The following DENND4A variants were observed in gnomAD, a reference collection of about 807,000 sequenced individuals.
DENND4A encodes the protein C-myc promoter-binding protein.
A neutral mutation model predicts 199.3 loss-of-function variants in DENND4A; 70 were observed. The observed-to-expected ratio is 0.35, with a 90% confidence interval of 0.29 to 0.43. The LOEUF (loss-of-function observed/expected upper bound fraction) is 0.43, where lower values mean the gene tolerates loss of function less well. DENND4A is among the 20% of genes least tolerant of loss of function. The pLI, the probability that DENND4A is intolerant of heterozygous loss-of-function variation, is 1.00. For missense variants in DENND4A, 1,723 were observed against 2,255.8 expected, an observed-to-expected ratio of 0.76 and a Z score of 4.78; for synonymous variants, 686 against 766.9, an observed-to-expected ratio of 0.89 and a Z score of 1.74.
intron 1 of DENND4A, among the ~76,000 whole-genome samples, chr15:65,765,242 T>C (rs2076953078): frequency 6.6e-6 from 1 of 152,232 alleles, no homozygotes; most frequent in Admixed American, 6.5e-5. Flanking sequence ...ATTGCCTTAC[T>C]TTCTATACAT....
rs756556371 is a variant in DENND4A at position 65,701,159 on chromosome 15, G to A, written c.2593C>T (p.Arg865Cys). 4 of 1,607,800 alleles carry A rather than the reference G, an allele frequency of 2.5e-6. No individual in the cohort carries two copies. Among genetic ancestry groups the A allele is most frequent in the African/African-American group, 2.7e-5 (2 of 74,656 alleles). Residue 865 changes from arginine (R) to cysteine (C), a missense_variant, in exon 19 of 33, where the codon CGT (arginine) becomes TGT (cysteine). Transcript: ENST00000443035. ...VLESTWPSRS[R>C]SGYFLWTKVR... is the part of the protein sequence containing the mutation. ...TTTGTCCAAAGAAAATAGCCACTAC[G>A]ACTTCTTGAAGGCCAGGTACTTTCC...
intron 15 of DENND4A, among the ~76,000 whole-genome samples, chr15:65,703,591 G>A (rs1264319974): frequency 2.0e-5 from 3 of 152,190 alleles, no homozygotes; most frequent in African/African-American, 7.2e-5. Flanking sequence ...CTAAATAAGA[G>A]GAAGAAAAGG....
rs1439141451 is a variant in DENND4A at position 65,772,227 on chromosome 15, G to A, written c.-101-10789C>T. On this transcript the variant is annotated intron_variant, in intron 1 of 32. Coordinates refer to ENST00000443035, the MANE Select transcript of DENND4A (RefSeq NM_001320835.1). ...TGGTGACTTAAAGGTCTAGAGACAG[G>A]AAATCATGACTCTGATTCTCTCATT... The A allele has an allele frequency of 5.1e-6, 3 of 583,656 alleles. No individual in the cohort carries two copies. In the African/African-American group the frequency reaches 5.7e-5, roughly 11 times the overall value. The allele number at this position is 583,656 out of a possible 1,614,324, so 36.2% of individuals were successfully genotyped here. A position where few individuals can be genotyped will look rare whatever the true frequency, so the allele number is the denominator to read the frequency against.
At chr15:65,786,668 T>C (rs2077574337) in intron 1 of DENND4A, among the ~76,000 whole-genome samples, 1 of 152,176 alleles carries the variant, frequency 6.6e-6, no homozygotes, top group East Asian at 1.9e-4. Context: ...CCCTATGTGA[T>C]AGATGAGGAC....
intron 7 of DENND4A, among the ~76,000 whole-genome samples, chr15:65,734,236 A>G (rs1278627886): frequency 6.6e-6 from 1 of 152,212 alleles, no homozygotes; most frequent in Non-Finnish European, 1.5e-5. Flanking sequence ...AACCGCCTTA[A>G]GGCTGGAGGT....
At chr15:65,670,309 C>A (rs2076177682) in intron 25 of DENND4A, 121 bp from the exon 26 acceptor site, 1 of 778,474 alleles carries the variant, frequency 1.3e-6, no homozygotes, top group Non-Finnish European at 1.9e-6. Context: ...ATGCTATACA[C>A]AAACACTGGA....
Position 65,700,669 on chromosome 15 carries a change from C to A in DENND4A, c.2708G>T (p.Gly903Val). ...HLSQTTLSAD[G>V]SDLDAVSHGS... is the part of the protein sequence containing the mutation. ...ATGACTAACAGCATCCAGGTCACTGCCATCTGCTTAAGAACACAATTTGAC... is the reference window on the plus strand; with the variant it reads ...ATGACTAACAGCATCCAGGTCACTGACATCTGCTTAAGAACACAATTTGAC... Residue 903 changes from glycine to valine, a missense_variant, in exon 20 of 33, where the codon GGC (glycine) becomes GTC (valine). By Grantham distance (109) the Gly-to-Val change is moderately radical. Coordinates refer to ENST00000443035, the MANE Select transcript of DENND4A (RefSeq NM_001320835.1). 1 of 1,535,800 alleles carries A rather than the reference C, an allele frequency of 6.5e-7. No homozygotes were observed. Among genetic ancestry groups the A allele is most frequent in the Non-Finnish European group, 8.8e-7 (1 of 1,141,842 alleles).
At chr15:65,739,021 G>C in intron 5 of DENND4A, 146 bp from the exon 6 acceptor site, 1 of 557,118 alleles carries the variant, frequency 1.8e-6, no homozygotes, top group Non-Finnish European at 2.9e-6. Context: ...TGAATACTTT[G>C]GTAGGATTCA....
At chr15:65,687,542 T>C (rs1336016433) in intron 23 of DENND4A, among the ~76,000 whole-genome samples, 1 of 152,242 alleles carries the variant, frequency 6.6e-6, no homozygotes, top group African/African-American at 2.4e-5. Flanking sequence ...TCCTTCAGCA[T>C]ATCTCATAGA....
At chr15:65,757,754 G>A (rs2076746190) in intron 2 of DENND4A, among the ~76,000 whole-genome samples, 3 of 152,274 alleles carry the variant, frequency 2.0e-5, no homozygotes, top group South Asian at 2.1e-4. Flanking sequence ...AGGCCGAGGA[G>A]GGCAGATTAC....
In DENND4A at chr15:65,756,467, T is replaced by C. The variant is rs2076702998; in HGVS notation, c.-17A>G. The C allele has an allele frequency of 6.3e-7, 1 of 1,579,544 alleles. No individual in the cohort carries two copies. The highest frequency in any genetic ancestry group is 1.9e-5 in the Admixed American group (1 of 53,130). On this transcript the variant is annotated 5_prime_UTR_variant, in exon 3 of 33. An upstream open reading frame in the 5' UTR loses its in-frame stop. Transcript: ENST00000443035. ...TTCAATCATCTTCCATTACAGAAGGTTACATCTAAAAGGAAAGTAAAAGAC... is the reference window on the plus strand; with the variant it reads ...TTCAATCATCTTCCATTACAGAAGGCTACATCTAAAAGGAAAGTAAAAGAC...
At chr15:65,664,865 T>A in intron 30 of DENND4A, 143 bp from the exon 31 acceptor site, 1 of 700,138 alleles carries the variant, frequency 1.4e-6, no homozygotes, top group African/African-American at 1.8e-5. Flanking sequence ...AATCCAAGAA[T>A]GAAGAAAGCA....
rs571217269 is a variant in DENND4A at position 65,769,002 on chromosome 15, A to C, written c.-101-7564T>G. Among the ~76,000 whole-genome samples the C allele has an allele frequency of 8.6e-5, 13 of 151,538 alleles. No individual in the cohort carries two copies. The South Asian group carries it at 2.3e-3, about 27-fold the overall frequency. On this transcript the variant is annotated intron_variant, in intron 1 of 32. Coordinates refer to ENST00000443035, the MANE Select transcript of DENND4A (RefSeq NM_001320835.1). Reference sequence around the variant, plus strand: ...AGAGCAAAACTCTGTCTCAAAAAAAACCAAAAAACAAAAAAAAAAACCCCC... The same window carrying C: ...AGAGCAAAACTCTGTCTCAAAAAAACCCAAAAAACAAAAAAAAAAACCCCC...
intron 15 of DENND4A, 26 bp downstream of exon 15, chr15:65,706,065 T>C: frequency 6.6e-7 from 1 of 1,505,810 alleles, no homozygotes; most frequent in Non-Finnish European, 8.9e-7. Flanking sequence ...TCTCTTTCAA[T>C]CTCAAACATT....
At chr15:65,741,482 CTTA>C (rs2076260340) in intron 5 of DENND4A, among the ~76,000 whole-genome samples, 1 of 152,174 alleles carries the variant, frequency 6.6e-6, no homozygotes, top group African/African-American at 2.4e-5. Context: ...TAATTGAGAT[CTTA>C]TTATTTATTT....
chr15:65,701,899 C>T lies in DENND4A; in HGVS notation c.2431-9G>A. ...AGAATGCGGTAGCATACCTGAAATA[C>T]AAGTTCAAAATTGTACCGAAACACA... is the stretch of plus-strand genomic sequence containing the variant. On this transcript the variant is annotated splice_polypyrimidine_tract_variant and intron_variant, in intron 17 of 32. Coordinates refer to ENST00000443035, the MANE Select transcript of DENND4A (RefSeq NM_001320835.1). 1 of 1,613,464 alleles carries T rather than the reference C, an allele frequency of 6.2e-7. No homozygotes were observed. The highest frequency in any genetic ancestry group is 8.5e-7 in the Non-Finnish European group (1 of 1,179,638).
At position 65,722,946 on chromosome 15, in the gene DENND4A, A is replaced by G; in HGVS notation, c.1490T>C (p.Ile497Thr). ...VDVDTNTISQ[I>T]GDKKNVAWKI... ...CCAGGCTACATTTTTCTTGTCACCA[A>G]TTCTAAGATTAAATAACAACAGGAA... Residue 497 changes from isoleucine (I) to threonine (T), a missense_variant and splice_region_variant, in exon 12 of 33, where the codon ATT becomes ACT. Physicochemically the swap from Ile to Thr is moderately conservative, Grantham distance 89. This residue lies in a region of DENND4A where 725 missense variants were observed against 952.9 expected (regional missense o/e 0.76). Coordinates refer to ENST00000443035, the MANE Select transcript of DENND4A (RefSeq NM_001320835.1). 1 of 1,601,644 alleles carries G rather than the reference A, an allele frequency of 6.2e-7. No homozygotes were observed. The highest frequency in any genetic ancestry group is 8.5e-7 in the Non-Finnish European group (1 of 1,174,334).
At chr15:65,707,049 T>C (rs2075087262) in intron 14 of DENND4A, among the ~76,000 whole-genome samples, 1 of 152,140 alleles carries the variant, frequency 6.6e-6, no homozygotes, top group Non-Finnish European at 1.5e-5. Flanking sequence ...ATTCTATATA[T>C]TTTTAAAATT....
At chr15:65,689,632 G>A (rs866780137) in intron 23 of DENND4A, among the ~76,000 whole-genome samples, 3 of 152,110 alleles carry the variant, frequency 2.0e-5, no homozygotes, top group Admixed American at 6.6e-5. Context: ...CTCCTGAATC[G>A]AGCTATTATG....
Sources: gnomAD v4.1 joint callset for allele counts (sites outside exome capture counted in the v4.1 genomes callset) on GRCh38, gnomAD v4.1.1 for gene constraint, gnomAD v4.1.1 regional missense constraint, MANE v1.5 for transcripts, NCBI Gene and HGNC (gene_info 2026-07-23, HGNC 2026-07-21) for gene names.